Variants in RALGAPA2 observed in about 807,000 individuals in gnomAD.
RALGAPA2 encodes Ral GTPase activating protein catalytic subunit alpha 2, also known as ral GTPase-activating protein subunit alpha-2.
RALGAPA2 carries 139 observed loss-of-function variants against 230.4 expected under a neutral mutation model. The ratio of observed to expected loss-of-function variants is 0.60; its 90% CI spans 0.53 to 0.69. The LOEUF (loss-of-function observed/expected upper bound fraction) is 0.69, where lower values mean the gene tolerates loss of function less well. Ranked by LOEUF, RALGAPA2 falls within the 30% of genes least tolerant of loss-of-function variation. The probability of loss-of-function intolerance (pLI) is 0.00; values close to 1 mark genes in which losing one functional copy is unlikely to be tolerated. For synonymous variants in RALGAPA2, 847 were observed against 837.8 expected (o/e 1.01, Z -0.19); for missense variants, 2,163 against 2,276.0 (o/e 0.95, Z 1.01).
At chr20:20,615,166 T>C (rs1280868115) in intron 13 of RALGAPA2, among the ~76,000 whole-genome samples, 2 of 151,524 alleles carry the variant, frequency 1.3e-5, no homozygotes, top group Non-Finnish European at 3.0e-5. Context: ...TGAGGACTTT[T>C]TTTTTTTTTT....
At position 20,521,071 on chromosome 20, in the gene RALGAPA2, G is replaced by C. The variant is rs746027847; in HGVS notation, c.3930C>G (p.Ser1310Arg). The C allele has an allele frequency of 6.2e-7, 1 of 1,613,014 alleles. No homozygotes were observed. Among genetic ancestry groups the C allele is most frequent in the African/African-American group, 1.3e-5 (1 of 74,880 alleles). Residue 1310 changes from serine to arginine, a missense_variant, in exon 31 of 40, where the codon AGC becomes AGG. By Grantham distance (110) the Ser-to-Arg change is moderately radical. Transcript: ENST00000202677. ...TGTAGTGACTCTGTTGGGTGTACGTGCTTGAGCCACACACACAGCAGTGCA... is the reference window on the plus strand; with the variant it reads ...TGTAGTGACTCTGTTGGGTGTACGTCCTTGAGCCACACACACAGCAGTGCA... ...RVLHCCVCGS[S>R]TYTQQSHYIL...
intron 13 of RALGAPA2, among the ~76,000 whole-genome samples, chr20:20,615,227 G>A (rs1377318991): frequency 1.3e-5 from 2 of 150,176 alleles, no homozygotes; most frequent in South Asian, 2.1e-4. Flanking sequence ...GTGCAGTGGC[G>A]CAATCTCACT....
intron 37 of RALGAPA2, among the ~76,000 whole-genome samples, chr20:20,441,148 G>A (rs1197577213): frequency 6.6e-6 from 1 of 152,220 alleles, no homozygotes; most frequent in East Asian, 1.9e-4. Context: ...GGAGTGGTCA[G>A]AAAGGGAAAT....
At chr20:20,593,049 C>T (rs2065341362) in intron 16 of RALGAPA2, among the ~76,000 whole-genome samples, 1 of 152,160 alleles carries the variant, frequency 6.6e-6, no homozygotes, top group South Asian at 2.1e-4. Flanking sequence ...TCCTGAGTAC[C>T]TGGGAGTTCT....
intron 4 of RALGAPA2, among the ~76,000 whole-genome samples, chr20:20,644,784 T>A (rs1415624059): frequency 6.6e-6 from 1 of 152,234 alleles, no homozygotes; most frequent in Non-Finnish European, 1.5e-5. Context: ...CAAGTGTCCA[T>A]CTAGCCCACA....
At chr20:20,493,991 A>G (rs950528869) in intron 36 of RALGAPA2, among the ~76,000 whole-genome samples, 3 of 152,200 alleles carry the variant, frequency 2.0e-5, no homozygotes, top group African/African-American at 7.2e-5. Flanking sequence ...ATCTATTCTG[A>G]GAATAATAAG....
At chr20:20,608,830 TAAG>T (rs764115215) in intron 14 of RALGAPA2, among the ~76,000 whole-genome samples, 14 of 152,062 alleles carry the variant, frequency 9.2e-5, no homozygotes, top group African/African-American at 4.8e-5. Context: ...CCCTGCAGGG[TAAG>T]AAGAAGTCCT....
intron 18 of RALGAPA2, 85 bp downstream of exon 18, chr20:20,589,183 T>C (rs1305080703): frequency 3.5e-6 from 5 of 1,415,020 alleles, no homozygotes; most frequent in Non-Finnish European, 3.7e-6. Context: ...ATTTTAATTA[T>C]CACTGCCACC....
intron 19 of RALGAPA2, among the ~76,000 whole-genome samples, chr20:20,583,625 A>G (rs1012857255): frequency 4.6e-5 from 7 of 152,188 alleles, no homozygotes; most frequent in Admixed American, 3.9e-4. Context: ...CGGGTAGAAG[A>G]GTCTAAAGAT....
intron 3 of RALGAPA2, among the ~76,000 whole-genome samples, chr20:20,675,547 T>C (rs1276909189): frequency 6.6e-6 from 1 of 152,186 alleles, no homozygotes; most frequent in Non-Finnish European, 1.5e-5. Flanking sequence ...CAATTAACTT[T>C]CGGAACCTAT....
intron 23 of RALGAPA2, among the ~76,000 whole-genome samples, chr20:20,569,567 T>C (rs1321969699): frequency 6.6e-6 from 1 of 152,172 alleles, no homozygotes; most frequent in Non-Finnish European, 1.5e-5. Flanking sequence ...TGCATTAAGA[T>C]GTAAAAACAA....
intron 4 of RALGAPA2, 123 bp downstream of exon 4, chr20:20,653,407 A>G (rs2067478232): frequency 1.6e-6 from 1 of 629,828 alleles, no homozygotes; most frequent in Non-Finnish European, 2.8e-6. Flanking sequence ...CATTACCATA[A>G]TACCATACCC....
At chr20:20,533,508 G>A (rs2063421079) in intron 26 of RALGAPA2, among the ~76,000 whole-genome samples, 1 of 152,066 alleles carries the variant, frequency 6.6e-6, no homozygotes, top group South Asian at 2.1e-4. Context: ...AAATTTGACA[G>A]TATATAAGGA....
chr20:20,520,791 A>G, intron 31 of RALGAPA2, 126 bp downstream of exon 31: 1 of 744,886 alleles, frequency 1.3e-6, no homozygotes, highest in Non-Finnish European at 2.0e-6. Flanking sequence ...TTGCCATCAC[A>G]GAGGACTCCA....
intron 10 of RALGAPA2, among the ~76,000 whole-genome samples, chr20:20,621,133 T>A (rs1448936930): frequency 6.7e-6 from 1 of 148,936 alleles, no homozygotes; most frequent in Non-Finnish European, 1.5e-5. Flanking sequence ...AGAGCCAGAC[T>A]CAGTCTCCAA....
At position 20,472,962 on chromosome 20, in the gene RALGAPA2, G is replaced by T; in HGVS notation, c.5368-6C>A. ...AGAGGCCCAAAAAATGGAACCTGTT[G>T]ATTTGAAATGGAAAAACAAATTTTA... On this transcript the variant is annotated splice_region_variant and splice_polypyrimidine_tract_variant and intron_variant, in intron 36 of 39. Coordinates refer to ENST00000202677, the MANE Select transcript of RALGAPA2 (RefSeq NM_020343.4). 1 of 1,589,138 alleles carries T rather than the reference G, an allele frequency of 6.3e-7. No individual in the cohort carries two copies. The highest frequency in any genetic ancestry group is 1.2e-5 in the South Asian group (1 of 86,584).
intron 1 of RALGAPA2, among the ~76,000 whole-genome samples, chr20:20,682,626 C>A (rs2068559696): frequency 6.6e-6 from 1 of 152,172 alleles, no homozygotes; most frequent in Non-Finnish European, 1.5e-5. Flanking sequence ...TGATTGAATT[C>A]CTGACTTAAT....
At chr20:20,553,291 C>T (rs1348428465) in intron 23 of RALGAPA2, among the ~76,000 whole-genome samples, 3 of 152,140 alleles carry the variant, frequency 2.0e-5, no homozygotes, top group Non-Finnish European at 2.9e-5. Flanking sequence ...GTGGCTCATA[C>T]CTATAATTCT....
intron 24 of RALGAPA2, among the ~76,000 whole-genome samples, chr20:20,539,648 GCAAATTT>G (rs1258595387): frequency 6.6e-6 from 1 of 152,068 alleles, no homozygotes; most frequent in African/African-American, 2.4e-5. Flanking sequence ...TACTCTCTTA[GCAAATTT>G]CAAGTTTATA....
Sources: gnomAD v4.1 joint callset for allele counts (sites outside exome capture counted in the v4.1 genomes callset) on GRCh38, gnomAD v4.1.1 for gene constraint, MANE v1.5 for transcripts, NCBI Gene and HGNC (gene_info 2026-07-23, HGNC 2026-07-21) for gene names.